The following FAF1 variants were observed in gnomAD, a reference collection of about 807,000 sequenced individuals.
FAF1 encodes the protein Fas associated factor 1, also known as FAS-associated factor 1.
A neutral mutation model predicts 92.5 loss-of-function variants in FAF1; 25 were observed. The observed-to-expected ratio is 0.27, with a 90% confidence interval of 0.20 to 0.38. FAF1 has a LOEUF of 0.38. FAF1 is among the 10% of genes least tolerant of loss of function. The pLI is 1.00. For missense variants in FAF1, 636 were observed against 793.3 expected (o/e 0.80, Z 2.38); for synonymous variants, 234 against 273.2 (o/e 0.86, Z 1.42).
chr1:50,785,397 T>C (rs943036484), intron 4 of FAF1, among the ~76,000 whole-genome samples: 3 of 151,822 alleles, frequency 2.0e-5, no homozygotes, highest in African/African-American at 7.3e-5. Context: ...GGGGTTAAAA[T>C]ACAAAATACA....
At chr1:50,636,471 T>C (rs1299183479) in intron 8 of FAF1, among the ~76,000 whole-genome samples, 2 of 145,406 alleles carry the variant, frequency 1.4e-5, no homozygotes, top group Non-Finnish European at 1.5e-5. Context: ...CTGCAATCTA[T>C]GCCTCCCGGG....
At chr1:50,596,043 A>AGAT (rs1651790895) in intron 9 of FAF1, 78 bp downstream of exon 9, 2 of 891,146 alleles carry the variant, frequency 2.2e-6, no homozygotes, top group East Asian at 4.8e-5. Context: ...TTGCTCTGGC[A>AGAT]GATAAAAAAA....
chr1:50,836,082 C>G (rs976164137), intron 2 of FAF1, among the ~76,000 whole-genome samples: 3 of 151,018 alleles, frequency 2.0e-5, no homozygotes, highest in African/African-American at 7.3e-5. Context: ...ATCTATTTCA[C>G]AAAACAGAAA....
rs1646298806 is a variant in FAF1 at position 50,451,979 on chromosome 1, C to T, written c.1870-10456G>A. 1.4e-5 allele frequency: 17 copies of T among 1,182,114 alleles called. No individual in the cohort carries two copies. The South Asian group carries it at 3.0e-4, about 21-fold the overall frequency. 73.2% of individuals were successfully genotyped at this position (1,182,114 alleles called of 1,614,324 possible). On this transcript the variant is annotated intron_variant, in intron 18 of 18. Coordinates refer to ENST00000396153, the MANE Select transcript of FAF1 (RefSeq NM_007051.3). ...TGTAACCTTCTCCTTGCAGTGGTAT[C>T]CTTGATGGTGGCTTTGGTCACTATA...
At chr1:50,759,706 A>C (rs1414379390) in intron 4 of FAF1, among the ~76,000 whole-genome samples, 2 of 152,184 alleles carry the variant, frequency 1.3e-5, no homozygotes, top group Non-Finnish European at 2.9e-5. Flanking sequence ...TTCTAGTTCT[A>C]GATCCCTGAG....
intron 18 of FAF1, among the ~76,000 whole-genome samples, chr1:50,458,381 A>G (rs1176247279): frequency 6.6e-6 from 1 of 152,208 alleles, no homozygotes; most frequent in Admixed American, 6.5e-5. Context: ...AAACTCTTTG[A>G]GCTTCAGTGT....
chr1:50,577,210 T>A (rs1650790841), intron 12 of FAF1, among the ~76,000 whole-genome samples: 1 of 152,192 alleles, frequency 6.6e-6, no homozygotes, highest in Non-Finnish European at 1.5e-5. Flanking sequence ...AAGATTCAGG[T>A]CAGAGGTACG....
chr1:50,896,335 A>G (rs554335116), intron 1 of FAF1, among the ~76,000 whole-genome samples: 1 of 152,350 alleles, frequency 6.6e-6, no homozygotes, highest in Non-Finnish European at 1.5e-5. Flanking sequence ...AATGCTTGAA[A>G]TGATGGATAC....
chr1:50,912,910 A>G (rs1318459076), intron 1 of FAF1, among the ~76,000 whole-genome samples: 3 of 152,250 alleles, frequency 2.0e-5, no homozygotes, highest in African/African-American at 7.2e-5. Flanking sequence ...CTGATAAACT[A>G]TGTTTCATAC....
At chr1:50,762,292 C>T (rs1660359668) in intron 4 of FAF1, among the ~76,000 whole-genome samples, 1 of 152,152 alleles carries the variant, frequency 6.6e-6, no homozygotes, top group Non-Finnish European at 1.5e-5. Context: ...TCAATGCCAT[C>T]CCCATCAAGC....
chr1:50,801,835 T>C (rs1662001893), intron 2 of FAF1, among the ~76,000 whole-genome samples, 158 bp from the exon 3 acceptor site: 1 of 152,254 alleles, frequency 6.6e-6, no homozygotes, highest in South Asian at 2.1e-4. Context: ...TAAATGTTTC[T>C]ATATTTCTCA....
At chr1:50,536,481 A>T (rs1474832010) in intron 14 of FAF1, among the ~76,000 whole-genome samples, 2 of 152,120 alleles carry the variant, frequency 1.3e-5, no homozygotes, top group East Asian at 3.9e-4. Context: ...TCTTGCTGGC[A>T]TTTTTCCAGA....
At chr1:50,499,364 T>TG (rs201188163) in intron 15 of FAF1, among the ~76,000 whole-genome samples, 6,150 of 112,798 alleles carry the variant, frequency 0.055, 411 homozygotes, top group African/African-American at 0.18. Context: ...AGCTGTAGGG[T>TG]TTTTTTTTTT....
rs79980292 is a variant in FAF1 at position 50,682,129 on chromosome 1, T to G, written c.657+23657A>C. ...GGATTACAGGTGTGAGTCACCACAC[T>G]TGGCAGTATTTCAATGTGTAACTGA... On this transcript the variant is annotated intron_variant, in intron 7 of 18. Coordinates refer to ENST00000396153, the MANE Select transcript of FAF1 (RefSeq NM_007051.3). 5.5e-3 allele frequency among the ~76,000 whole-genome samples: 829 copies of G among 151,980 alleles called. 3 individuals are homozygous for G. Among genetic ancestry groups the G allele is most frequent in the African/African-American group, 0.019 (786 of 41,508 alleles).
intron 2 of FAF1, among the ~76,000 whole-genome samples, chr1:50,817,821 G>C (rs951887753): frequency 6.6e-5 from 10 of 152,110 alleles, no homozygotes; most frequent in Admixed American, 5.9e-4. Context: ...TCTTTAAATA[G>C]GTGAATTCCA....
intron 3 of FAF1, 132 bp from the exon 4 acceptor site, chr1:50,788,337 G>C (rs1661438545): frequency 4.3e-6 from 3 of 703,904 alleles, no homozygotes; most frequent in Admixed American, 4.8e-5. Context: ...GTCAAGGCCA[G>C]ACTTGAGTTC....
chr1:50,542,433 A>G (rs1648801644), intron 13 of FAF1, among the ~76,000 whole-genome samples: 1 of 152,220 alleles, frequency 6.6e-6, no homozygotes, highest in Admixed American at 6.5e-5. Context: ...TACCAGCAGC[A>G]AAAAATTCAG....
At chr1:50,824,101 A>G (rs1024497022) in intron 2 of FAF1, among the ~76,000 whole-genome samples, 1 of 152,218 alleles carries the variant, frequency 6.6e-6, no homozygotes, top group African/African-American at 2.4e-5. Context: ...GTCATTTCAT[A>G]AAACAAGTAT....
chr1:50,899,497 T>G (rs1452983924), intron 1 of FAF1, among the ~76,000 whole-genome samples: 1 of 152,166 alleles, frequency 6.6e-6, no homozygotes, highest in African/African-American at 2.4e-5. Context: ...AGACAGAGTC[T>G]CACTCTGTCA....
Sources: allele counts gnomAD v4.1 joint callset (sites outside exome capture counted in the v4.1 genomes callset), GRCh38; gene constraint gnomAD v4.1.1; transcripts MANE v1.5; gene names NCBI Gene and HGNC (gene_info 2026-07-23, HGNC 2026-07-21).